CACNA1A: variants seen among roughly 807,000 people sequenced by gnomAD.
CACNA1A encodes the protein calcium voltage-gated channel subunit alpha1 A.
CACNA1A carries 57 observed loss-of-function variants against 262.4 expected under a neutral mutation model. The ratio of observed to expected loss-of-function variants is 0.22; its 90% CI spans 0.18 to 0.27. The LOEUF (loss-of-function observed/expected upper bound fraction) is 0.27. Ranked by LOEUF, CACNA1A falls within the 10% of genes least tolerant of loss-of-function variation. The pLI, the probability that CACNA1A is intolerant of heterozygous loss-of-function variation, is 1.00. For missense variants in CACNA1A, 2,526 were observed against 3,562.8 expected (o/e 0.71, Z 7.41); for synonymous variants, 1,431 against 1,419.3 (o/e 1.01, Z -0.18).
intron 1 of CACNA1A, among the ~76,000 whole-genome samples, chr19:13,456,729 C>T (rs2061016513): frequency 6.6e-6 from 1 of 151,926 alleles, no homozygotes; most frequent in Non-Finnish European, 1.5e-5. Context: ...AAAGATAATC[C>T]AATTGAAAAA....
chr19:13,300,118 G>A (rs1174532961), intron 18 of CACNA1A, among the ~76,000 whole-genome samples: 5 of 152,110 alleles, frequency 3.3e-5, no homozygotes, highest in Admixed American at 1.3e-4. Flanking sequence ...CCACAGCCCC[G>A]GGACTGGGGA....
intron 3 of CACNA1A, among the ~76,000 whole-genome samples, chr19:13,436,013 T>C (rs1414489506): frequency 6.6e-6 from 1 of 152,056 alleles, no homozygotes; most frequent in East Asian, 1.9e-4. Flanking sequence ...TTAGTAGAGA[T>C]GGGATTTCAT....
intron 3 of CACNA1A, among the ~76,000 whole-genome samples, chr19:13,387,733 A>C (rs773973789): frequency 2.0e-5 from 3 of 152,168 alleles, no homozygotes; most frequent in Non-Finnish European, 4.4e-5. Flanking sequence ...TCATGAAGAG[A>C]AGTGAGGTTA....
Position 13,209,302 on chromosome 19 carries a change from G to T in CACNA1A, c.6526+10C>A, listed in dbSNP as rs1425384815. On this transcript the variant is annotated intron_variant, in intron 45 of 46. Coordinates refer to ENST00000360228, the MANE Select transcript of CACNA1A (RefSeq NM_001127222.2). ...TTCTGCTTGTCCCTGAGCACCACAG[G>T]GCTGCCCACCTGTGTCCACATCGGT... The T allele has an allele frequency of 2.1e-6, 3 of 1,429,028 alleles. No homozygotes were observed. Among genetic ancestry groups the T allele is most frequent in the Non-Finnish European group, 2.8e-6 (3 of 1,089,140 alleles). The allele number at this position is 1,429,028 out of a possible 1,614,324, so 88.5% of individuals were successfully genotyped here.
At chr19:13,335,211 C>T (rs914486086) in intron 7 of CACNA1A, among the ~76,000 whole-genome samples, 3 of 152,200 alleles carry the variant, frequency 2.0e-5, no homozygotes, top group Non-Finnish European at 4.4e-5. Flanking sequence ...GTTGGCTTCT[C>T]TGCCATAGGT....
chr19:13,429,024 C>T (rs945070563), intron 3 of CACNA1A, among the ~76,000 whole-genome samples: 10 of 152,034 alleles, frequency 6.6e-5, no homozygotes, highest in South Asian at 6.2e-4. Flanking sequence ...CTATGAATCC[C>T]CCCACCACCT....
At chr19:13,246,407 C>T (rs940700820) in intron 30 of CACNA1A, among the ~76,000 whole-genome samples, 8 of 152,104 alleles carry the variant, frequency 5.3e-5, no homozygotes, top group African/African-American at 1.2e-4. Flanking sequence ...CTGGGCTTGG[C>T]GACCAGTAAC....
At position 13,212,813 on chromosome 19, in the gene CACNA1A, C is replaced by T. The variant is rs145730909; in HGVS notation, c.5941-73G>A. On this transcript the variant is annotated intron_variant, in intron 40 of 46. Coordinates refer to ENST00000360228, the MANE Select transcript of CACNA1A (RefSeq NM_001127222.2). This position sits in a 1 kb window ranked among gnomAD's most constrained non-coding sequence, Gnocchi z 5.6. ...GGACGGTGGTACCCAGAAGGCATTG[C>T]GACATCCCCAGTATACACACACACA... is the stretch of plus-strand genomic sequence containing the variant. 97 of 661,524 alleles carry T rather than the reference C, an allele frequency of 1.5e-4. No individual in the cohort carries two copies. In the East Asian group the frequency reaches 2.4e-3, roughly 16 times the overall value. The allele number at this position is 661,524 out of a possible 1,614,324, so 41.0% of individuals were successfully genotyped here.
rs187648481 is a variant in CACNA1A, at chr19:13,391,733, C to A, written c.540-19954G>T. On this transcript the variant is annotated intron_variant, in intron 3 of 46. Transcript: ENST00000360228. ...GCAACAAAGTGAGACCTGTCTTTAC[C>A]AAAAATGAAGAAATTAGCCATGGCC... 3.4e-3 allele frequency among the ~76,000 whole-genome samples: 510 copies of A among 151,914 alleles called. 4 individuals are homozygous for A. The highest frequency in any genetic ancestry group is 0.012 in the African/African-American group (479 of 41,440).
chr19:13,244,418 A>G (rs530021808), intron 31 of CACNA1A: 1 of 152,386 alleles, frequency 6.6e-6, no homozygotes, highest in African/African-American at 2.4e-5. Context: ...ATTGTTAGTA[A>G]GATGACATTG....
chr19:13,429,895 CA>C (rs1393618182), intron 3 of CACNA1A, among the ~76,000 whole-genome samples: 2 of 150,434 alleles, frequency 1.3e-5, no homozygotes, highest in Admixed American at 6.7e-5. Flanking sequence ...ATTCTACTCA[CA>C]GGGGGGACCC....
chr19:13,209,028 A>G lies in CACNA1A; in HGVS notation c.6527-19T>C, dbSNP rs375949210. The G allele has an allele frequency of 9.1e-5, 140 of 1,536,894 alleles. No homozygotes were observed. In the African/African-American group the frequency reaches 1.8e-3, roughly 20 times the overall value. On this transcript the variant is annotated intron_variant, in intron 45 of 46. Coordinates refer to ENST00000360228, the MANE Select transcript of CACNA1A (RefSeq NM_001127222.2). ...CCCAAGCCTGGGCCGGGTGAGGGTCAGACAGACACACAGGTGGTCGTGAGG... is the reference window on the plus strand; with the variant it reads ...CCCAAGCCTGGGCCGGGTGAGGGTCGGACAGACACACAGGTGGTCGTGAGG...
At chr19:13,262,591 A>G (rs2056761023) in intron 25 of CACNA1A, 143 bp downstream of exon 25, 3 of 629,338 alleles carry the variant, frequency 4.8e-6, no homozygotes, top group Non-Finnish European at 8.8e-6. Flanking sequence ...AAGTTGTAAT[A>G]ATACAAATAT....
At chr19:13,388,853 G>C (rs920818117) in intron 3 of CACNA1A, among the ~76,000 whole-genome samples, 1 of 152,132 alleles carries the variant, frequency 6.6e-6, no homozygotes, top group Admixed American at 6.5e-5. Flanking sequence ...GATGAAGTTA[G>C]ACACATTCTG....
At chr19:13,312,836 T>C in intron 11 of CACNA1A, 55 bp from the exon 12 acceptor site, 3 of 869,544 alleles carry the variant, frequency 3.5e-6, no homozygotes, top group Non-Finnish European at 5.4e-6. Flanking sequence ...AGGGTAGGGG[T>C]TCCAGGTGGC....
chr19:13,349,138 G>C (rs922259700), intron 6 of CACNA1A, among the ~76,000 whole-genome samples: 1 of 152,062 alleles, frequency 6.6e-6, no homozygotes, highest in Admixed American at 6.6e-5. Flanking sequence ...CTCTTGGCTA[G>C]GGGACCTTGG....
At chr19:13,290,624 C>T (rs895436472) in intron 19 of CACNA1A, among the ~76,000 whole-genome samples, 3 of 151,914 alleles carry the variant, frequency 2.0e-5, no homozygotes, top group African/African-American at 7.3e-5. Context: ...GTTGTTCAGG[C>T]TGGTATTGAA....
intron 9 of CACNA1A, 93 bp from the exon 10 acceptor site, chr19:13,330,426 A>C: frequency 1.2e-4 from 109 of 884,762 alleles, no homozygotes; most frequent in Non-Finnish European, 1.8e-4. Context: ...TTTAACTCTC[A>C]CGGCAACTGT....
intron 11 of CACNA1A, among the ~76,000 whole-genome samples, chr19:13,313,914 C>T (rs760699343): frequency 7.2e-5 from 11 of 152,158 alleles, no homozygotes; most frequent in Non-Finnish European, 1.0e-4. Context: ...ACACAGGCAA[C>T]CCACCTAAGG....
Sources: gnomAD v4.1 joint callset for allele counts (sites outside exome capture counted in the v4.1 genomes callset) on GRCh38, gnomAD v4.1.1 for gene constraint, Gnocchi (gnomAD v3.1) non-coding constraint, MANE v1.5 for transcripts, NCBI Gene and HGNC (gene_info 2026-07-23, HGNC 2026-07-21) for gene names.